The following TMEM132B variants were observed in gnomAD, a reference collection of about 807,000 sequenced individuals.
The protein encoded by TMEM132B is transmembrane protein 132B.
Under a neutral mutation model 90.8 loss-of-function variants are expected in TMEM132B, and 18 were observed. The observed-to-expected ratio is 0.20, with a 90% CI of 0.14 to 0.29. The LOEUF is 0.29. TMEM132B is among the 10% of genes least tolerant of loss of function. The pLI, the probability that TMEM132B is intolerant of heterozygous loss-of-function variation, is 1.00. For missense variants in TMEM132B, 1,096 were observed against 1,326.8 expected (o/e 0.83, Z 2.70); for synonymous variants, 504 against 523.3 (o/e 0.96, Z 0.50).
At position 125,407,689 on chromosome 12, in the gene TMEM132B, G is replaced by A. The variant is rs1879541831; in HGVS notation, c.960-7842G>A. Among the ~76,000 whole-genome samples, 1 of 152,194 alleles carries A rather than the reference G, an allele frequency of 6.6e-6. No homozygotes were observed. Among genetic ancestry groups the A allele is most frequent in the African/African-American group, 2.4e-5 (1 of 41,432 alleles). ...CATCACAGACAAGGCCAAAGCTCAG[G>A]TCACTCTTGTCGCTCAGAACCAAAG... On this transcript the variant is annotated intron_variant, in intron 2 of 8. Coordinates refer to ENST00000682704, the MANE Select transcript of TMEM132B (RefSeq NM_001366854.1). The surrounding 1 kb of genome is among the most constrained non-coding windows in gnomAD (Gnocchi z 6.7).
intron 5 of TMEM132B, among the ~76,000 whole-genome samples, chr12:125,600,535 A>G (rs1332504326): frequency 3.3e-5 from 5 of 152,228 alleles, no homozygotes; most frequent in African/African-American, 1.2e-4. Flanking sequence ...ATCTGCATCC[A>G]CAGCATCTAA....
At position 125,277,502 on chromosome 12, in the gene TMEM132B, AACACAC is replaced by A. The variant is rs60316781; in HGVS notation, c.68-71928_68-71923del. On this transcript the variant is annotated intron_variant, in intron 1 of 8. Coordinates refer to ENST00000682704, the MANE Select transcript of TMEM132B (RefSeq NM_001366854.1). This position sits in a 1 kb window ranked among gnomAD's most constrained non-coding sequence, Gnocchi z 4.3. ...TCAAAAAAAAAAGATGAAGAGGGAG[AACACAC>A]ACACACACACACACACACACATACA... 3.5e-5 allele frequency among the ~76,000 whole-genome samples: 5 copies of A among 143,112 alleles called. No individual in the cohort carries two copies. Among genetic ancestry groups the A allele is most frequent in the Non-Finnish European group, 7.5e-5 (5 of 66,366 alleles). 93.9% of individuals were successfully genotyped at this position (143,112 alleles called of 152,430 possible).
chr12:125,269,637 A>T (rs1300070350), intron 1 of TMEM132B, among the ~76,000 whole-genome samples: 2 of 152,136 alleles, frequency 1.3e-5, no homozygotes, highest in Non-Finnish European at 2.9e-5. Flanking sequence ...CTGTCACCTT[A>T]TATCTCCCTA....
intron 6 of TMEM132B, among the ~76,000 whole-genome samples, chr12:125,648,691 C>A (rs1422328883): frequency 2.6e-5 from 4 of 152,082 alleles, no homozygotes; most frequent in Admixed American, 6.6e-5. Flanking sequence ...CTGATGTATT[C>A]ATTGACCATT....
At chr12:125,456,416 A>G (rs1881294089) in intron 3 of TMEM132B, among the ~76,000 whole-genome samples, 1 of 152,216 alleles carries the variant, frequency 6.6e-6, no homozygotes, top group African/African-American at 2.4e-5. Context: ...GTCCCAGGAA[A>G]CAGTCTAAAA....
intron 5 of TMEM132B, among the ~76,000 whole-genome samples, chr12:125,611,134 T>C (rs1885814623): frequency 6.6e-6 from 1 of 152,142 alleles, no homozygotes; most frequent in South Asian, 2.1e-4. Context: ...AATTTTTATT[T>C]GTCTTTTTAG....
chr12:125,200,679 G>C (rs137953957), intron 1 of TMEM132B, among the ~76,000 whole-genome samples: 1 of 152,216 alleles, frequency 6.6e-6, no homozygotes, highest in African/African-American at 2.4e-5. Flanking sequence ...GTATGATTGC[G>C]TGATGGCAGA....
At chr12:125,361,358 A>T (rs188370184) in intron 2 of TMEM132B, among the ~76,000 whole-genome samples, 2 of 152,192 alleles carry the variant, frequency 1.3e-5, no homozygotes, top group African/African-American at 4.8e-5. Flanking sequence ...CCTAACCCAG[A>T]TCGGCCCACT....
chr12:125,505,648 A>G (rs1387054232), intron 3 of TMEM132B, among the ~76,000 whole-genome samples: 7 of 151,922 alleles, frequency 4.6e-5, no homozygotes, highest in Non-Finnish European at 1.0e-4. Flanking sequence ...CAGTGAACTG[A>G]GATCACACCA....
At chr12:125,650,661 G>A in intron 6 of TMEM132B, 22 bp from the exon 7 acceptor site, 2 of 1,600,862 alleles carry the variant, frequency 1.2e-6, no homozygotes, top group Non-Finnish European at 1.7e-6. Flanking sequence ...ACTTTGTTCT[G>A]TTTCGATTCC....
At chr12:125,584,145 C>T in intron 5 of TMEM132B, 151 bp downstream of exon 5, 1 of 1,097,946 alleles carries the variant, frequency 9.1e-7, no homozygotes, top group East Asian at 2.4e-5. Flanking sequence ...CAGCTGACCG[C>T]AGAGACTCCC....
At chr12:125,474,192 GC>G (rs796234364) in intron 3 of TMEM132B, among the ~76,000 whole-genome samples, 36 of 147,754 alleles carry the variant, frequency 2.4e-4, no homozygotes, top group African/African-American at 8.5e-4. Context: ...CTGCTTTCCT[GC>G]CTTCCTGCCT....
intron 1 of TMEM132B, among the ~76,000 whole-genome samples, chr12:125,265,866 G>A (rs141739176): frequency 6.6e-6 from 1 of 152,284 alleles, no homozygotes; most frequent in East Asian, 1.9e-4. Flanking sequence ...GGTTGGCAGA[G>A]TATAACCTAT....
chr12:125,241,232 A>G (rs1457194071), intron 1 of TMEM132B, among the ~76,000 whole-genome samples: 1 of 152,234 alleles, frequency 6.6e-6, no homozygotes, highest in Admixed American at 6.5e-5. Flanking sequence ...ACCAAGATAC[A>G]GTGGGGTATA....
At chr12:125,187,615 T>G (rs1957767803) in intron 1 of TMEM132B, among the ~76,000 whole-genome samples, 1 of 152,262 alleles carries the variant, frequency 6.6e-6, no homozygotes, top group Non-Finnish European at 1.5e-5. Context: ...GACTCCCTGC[T>G]GAACCAGCTC....
intron 5 of TMEM132B, among the ~76,000 whole-genome samples, chr12:125,589,960 G>T (rs1885279845): frequency 6.6e-6 from 1 of 152,098 alleles, no homozygotes; most frequent in Admixed American, 6.5e-5. Context: ...GGGGCCTGGT[G>T]GGAGGTGTTT....
intron 2 of TMEM132B, among the ~76,000 whole-genome samples, chr12:125,401,141 T>C (rs1027738915): frequency 2.0e-5 from 3 of 152,210 alleles, no homozygotes; most frequent in Admixed American, 1.3e-4. Flanking sequence ...TGTCTCTTAC[T>C]GGGCATCTTC....
chr12:125,607,554 C>T (rs149417982), intron 5 of TMEM132B, among the ~76,000 whole-genome samples: 4 of 152,138 alleles, frequency 2.6e-5, no homozygotes, highest in Admixed American at 2.6e-4. Context: ...TGTGGGGACT[C>T]AAAGCATAGA....
chr12:125,415,386 C>T lies in TMEM132B; in HGVS notation c.960-145C>T. ...TAGTTTTTAAAGGAAAGCCACTTGCCACCACTCTCCCCCACATCTCCCAGA... is the reference window on the plus strand; with the variant it reads ...TAGTTTTTAAAGGAAAGCCACTTGCTACCACTCTCCCCCACATCTCCCAGA... On this transcript the variant is annotated intron_variant, in intron 2 of 8. Coordinates refer to ENST00000682704, the MANE Select transcript of TMEM132B (RefSeq NM_001366854.1). The surrounding 1 kb of genome is among the most constrained non-coding windows in gnomAD (Gnocchi z 5.3). 1.9e-6 allele frequency: 2 copies of T among 1,048,040 alleles called. No individual in the cohort carries two copies. The highest frequency in any genetic ancestry group is 2.2e-5 in the South Asian group (1 of 45,374). The allele number at this position is 1,048,040 out of a possible 1,614,324, so 64.9% of individuals were successfully genotyped here. A position where few individuals can be genotyped will look rare whatever the true frequency, so the allele number is the denominator to read the frequency against.
Sources: allele counts gnomAD v4.1 joint callset (sites outside exome capture counted in the v4.1 genomes callset), GRCh38; gene constraint gnomAD v4.1.1; non-coding constraint Gnocchi (gnomAD v3.1); transcripts MANE v1.5; gene names NCBI Gene and HGNC (gene_info 2026-07-23, HGNC 2026-07-21).